Variants in R3HDM2 observed in about 807,000 individuals in gnomAD.
R3HDM2 encodes the protein R3H domain-containing protein 2.
In R3HDM2, 38 loss-of-function variants were observed where a neutral mutation model predicts 124.5. That is an observed-to-expected ratio of 0.31 (90% CI 0.24 to 0.40). The LOEUF is 0.40. Among genes scored for constraint, R3HDM2 ranks in the 10% least tolerant of loss-of-function variants. R3HDM2 has a pLI of 1.00. For missense variants in R3HDM2, 869 were observed against 1,236.9 expected (o/e 0.70, Z 4.46); for synonymous variants, 391 against 448.0 (o/e 0.87, Z 1.61).
At chr12:57,430,176 T>C (rs891567173) in intron 1 of R3HDM2, among the ~76,000 whole-genome samples, 2 of 152,106 alleles carry the variant, frequency 1.3e-5, no homozygotes, top group Non-Finnish European at 2.9e-5. Flanking sequence ...TGTTGAAAAA[T>C]GTTAGCTCTA....
chr12:57,426,998 A>G (rs188372660), intron 1 of R3HDM2, among the ~76,000 whole-genome samples: 6 of 152,334 alleles, frequency 3.9e-5, no homozygotes, highest in Admixed American at 2.6e-4. Context: ...GGAAATTAAT[A>G]AAACAAAAAT....
intron 2 of R3HDM2, among the ~76,000 whole-genome samples, chr12:57,339,243 C>T (rs889190310): frequency 6.6e-5 from 10 of 151,872 alleles, no homozygotes; most frequent in East Asian, 2.0e-4. Context: ...GTGATCCATC[C>T]GCCTCAGCCT....
At chr12:57,392,278 G>A (rs957411036) in intron 2 of R3HDM2, among the ~76,000 whole-genome samples, 2 of 152,196 alleles carry the variant, frequency 1.3e-5, no homozygotes, top group African/African-American at 4.8e-5. Flanking sequence ...TGGCACCAAG[G>A]ACCAGTTTTG....
intron 1 of R3HDM2, among the ~76,000 whole-genome samples, chr12:57,410,329 A>C (rs1566505778): frequency 6.6e-6 from 1 of 151,510 alleles, no homozygotes; most frequent in Non-Finnish European, 1.5e-5. Flanking sequence ...AAAAAAAAAA[A>C]AAAAAAAAAA....
At chr12:57,343,165 A>G (rs923182965) in intron 2 of R3HDM2, among the ~76,000 whole-genome samples, 2 of 151,616 alleles carry the variant, frequency 1.3e-5, no homozygotes, top group Admixed American at 6.6e-5. Flanking sequence ...CGGCAAGCTT[A>G]GATATGACCC....
chr12:57,274,190 T>TA (rs902560339), intron 14 of R3HDM2, among the ~76,000 whole-genome samples: 24 of 151,298 alleles, frequency 1.6e-4, no homozygotes, highest in African/African-American at 3.9e-4. Flanking sequence ...GTAAAGTGGT[T>TA]AAAAAAAAAT....
At chr12:57,400,199 T>C (rs2067919344) in intron 1 of R3HDM2, among the ~76,000 whole-genome samples, 1 of 152,050 alleles carries the variant, frequency 6.6e-6, no homozygotes, top group Non-Finnish European at 1.5e-5. Context: ...CCAACAATGA[T>C]AGACTGGATT....
Position 57,320,261 on chromosome 12 carries a change from CAAAAAAAA to C in R3HDM2, c.-35-9806_-35-9799del, listed in dbSNP as rs56207989. Reference sequence around the variant, plus strand: ...GGGCAACAAGAGTGCAACTCTATCTCAAAAAAAAAAAAAAAAAAAAAAAAAAAGCCTTA... The same window carrying C: ...GGGCAACAAGAGTGCAACTCTATCTCAAAAAAAAAAAAAAAAAAAGCCTTA... On this transcript the variant is annotated intron_variant, in intron 2 of 23. Coordinates refer to ENST00000402412, the MANE Select transcript of R3HDM2 (RefSeq NM_001394031.1). Among the ~76,000 whole-genome samples, 58 of 14,288 alleles carry C rather than the reference CAAAAAAAA, an allele frequency of 4.1e-3. No homozygotes were observed. The South Asian group carries it at 0.048, about 12-fold the overall frequency. The allele number at this position is 14,288 out of a possible 152,430, so 9.4% of individuals were successfully genotyped here.
At chr12:57,329,985 T>C (rs962435680) in intron 2 of R3HDM2, among the ~76,000 whole-genome samples, 3 of 152,194 alleles carry the variant, frequency 2.0e-5, no homozygotes, top group Non-Finnish European at 4.4e-5. Context: ...TTGTTGTTGT[T>C]TTTATGAGAT....
intron 1 of R3HDM2, among the ~76,000 whole-genome samples, chr12:57,413,859 T>G (rs1201444865): frequency 1.3e-5 from 2 of 149,432 alleles, no homozygotes; most frequent in African/African-American, 4.9e-5. Flanking sequence ...TTTTTTTTTT[T>G]TTTTTGAGAT....
intron 2 of R3HDM2, among the ~76,000 whole-genome samples, chr12:57,377,637 T>A (rs2064268043): frequency 6.6e-6 from 1 of 152,154 alleles, no homozygotes. Context: ...AAACTCAGTG[T>A]CATAGTATTG....
At chr12:57,364,563 T>G (rs1474985348) in intron 2 of R3HDM2, among the ~76,000 whole-genome samples, 1 of 152,084 alleles carries the variant, frequency 6.6e-6, no homozygotes, top group Non-Finnish European at 1.5e-5. Flanking sequence ...CTCCTTGACT[T>G]CCAGATGGCC....
intron 19 of R3HDM2, among the ~76,000 whole-genome samples, chr12:57,261,914 G>A (rs773791252): frequency 4.6e-5 from 7 of 152,172 alleles, no homozygotes; most frequent in Admixed American, 1.3e-4. Flanking sequence ...GAGAGGGGAC[G>A]TGTGAATGGC....
intron 2 of R3HDM2, among the ~76,000 whole-genome samples, chr12:57,343,310 CT>C (rs2059770204): frequency 6.6e-6 from 1 of 151,570 alleles, no homozygotes; most frequent in Non-Finnish European, 1.5e-5. Flanking sequence ...CTGCATCAGC[CT>C]CCCGAGTAGC....
intron 21 of R3HDM2, among the ~76,000 whole-genome samples, chr12:57,256,858 A>C (rs2039193685): frequency 6.8e-6 from 1 of 147,064 alleles, no homozygotes; most frequent in African/African-American, 2.5e-5. Context: ...TTCACTCGCC[A>C]CCCAGGCTGG....
At chr12:57,386,891 G>A (rs2065916012) in intron 2 of R3HDM2, among the ~76,000 whole-genome samples, 1 of 152,104 alleles carries the variant, frequency 6.6e-6, no homozygotes, top group Non-Finnish European at 1.5e-5. Context: ...TTGGTATCTA[G>A]TTAATCTGGT....
rs55693368 is a variant in R3HDM2, at chr12:57,384,353, CA to C, written c.-36+11395del. Among the ~76,000 whole-genome samples, 340 of 117,662 alleles carry C rather than the reference CA, an allele frequency of 2.9e-3. 1 individual carries two copies. Among genetic ancestry groups the C allele is most frequent in the African/African-American group, 5.4e-3 (167 of 30,762 alleles). The allele number at this position is 117,662 out of a possible 152,430, so 77.2% of individuals were successfully genotyped here. ...TGGGTGACAGAGCAAGACTCTGTCTCAAAAAAAAAAAAAGAAAAGAAAAGTA... is the reference window on the plus strand; with the variant it reads ...TGGGTGACAGAGCAAGACTCTGTCTCAAAAAAAAAAAAGAAAAGAAAAGTA... On this transcript the variant is annotated intron_variant, in intron 2 of 23. Coordinates refer to ENST00000402412, the MANE Select transcript of R3HDM2 (RefSeq NM_001394031.1).
chr12:57,308,014 A>AC (rs1330806454), intron 3 of R3HDM2, among the ~76,000 whole-genome samples: 1 of 149,784 alleles, frequency 6.7e-6, no homozygotes, highest in East Asian at 2.0e-4. Context: ...CCCCTTCCAA[A>AC]CCCCGAGACA....
chr12:57,322,075 A>G (rs2056542204), intron 2 of R3HDM2, among the ~76,000 whole-genome samples: 1 of 152,126 alleles, frequency 6.6e-6, no homozygotes, highest in Non-Finnish European at 1.5e-5. Context: ...AAAAAATACA[A>G]AAATTAGCCG....
Sources: gnomAD v4.1 joint callset for allele counts (sites outside exome capture counted in the v4.1 genomes callset) on GRCh38, gnomAD v4.1.1 for gene constraint, MANE v1.5 for transcripts, NCBI Gene and HGNC (gene_info 2026-07-23, HGNC 2026-07-21) for gene names.